Variants in SYTL2 observed in about 807,000 individuals in gnomAD.
The protein encoded by SYTL2 is synaptotagmin like 2, also known as synaptotagmin-like protein 2.
A neutral mutation model predicts 198.7 loss-of-function variants in SYTL2; 165 were observed. The ratio of observed to expected loss-of-function variants is 0.83; its 90% CI spans 0.73 to 0.94. The LOEUF (loss-of-function observed/expected upper bound fraction) is 0.94. Among genes scored for constraint, SYTL2 ranks in the 40% least tolerant of loss-of-function variants. The probability of loss-of-function intolerance (pLI) is 0.00; values close to 1 mark genes in which losing one functional copy is unlikely to be tolerated. For missense variants in SYTL2, 2,835 were observed against 2,582.8 expected (o/e 1.10, Z -2.12); for synonymous variants, 966 against 917.7 (o/e 1.05, Z -0.95).
At chr11:85,696,540 G>C (rs767413382) in intron 18 of SYTL2, 152 bp from the exon 19 acceptor site, 8 of 670,454 alleles carry the variant, frequency 1.2e-5, no homozygotes, top group African/African-American at 9.0e-5. Context: ...AGTGGGGTAG[G>C]GGGTAGGAAC....
chr11:85,725,426 G>T lies in SYTL2; in HGVS notation c.3932C>A (p.Pro1311Gln). Residue 1311 changes from proline to glutamine, a missense_variant, in exon 8 of 20, where the codon CCA becomes CAA. By Grantham distance (76) the Pro-to-Gln change is moderately conservative. Transcript: ENST00000359152. ...MAAEDSHPLD[P>Q]TSQLSRKGSF... is the part of the protein sequence containing the mutation. ...ACCCTTTCTGGAAAGCTGGGAAGTT[G>T]GATCCAATGGATGAGAATCTTCTGC... The T allele has an allele frequency of 1.2e-6, 2 of 1,614,082 alleles. No homozygotes were observed. The highest frequency in any genetic ancestry group is 1.1e-5 in the South Asian group (1 of 91,078).
At chr11:85,807,309 A>G (rs781196813) in intron 1 of SYTL2, among the ~76,000 whole-genome samples, 6 of 152,250 alleles carry the variant, frequency 3.9e-5, no homozygotes, top group Non-Finnish European at 7.3e-5. Flanking sequence ...GAGCATTTAC[A>G]TCATGATTAA....
chr11:85,745,710 C>T lies in SYTL2; in HGVS notation c.316G>A (p.Asp106Asn), dbSNP rs1360981952. The change falls in exon 4 of 20, where the codon GAT (aspartate) becomes AAT (asparagine). Residue 106 changes from aspartate (D) to asparagine (N), a missense_variant. This residue lies in a region of SYTL2 where 2,645 missense variants were observed against 2,381.7 expected (regional missense o/e 1.11). Transcript: ENST00000359152. Reference protein sequence around the residue: ...KESWVNNVNKDAFLPPELAGV... With the variant: ...KESWVNNVNKNAFLPPELAGV... ...GCCAGCTCTGGAGGAAGGAAAGCATCTTTGTTGACATTATTCACCCAGCTT... is the reference window on the plus strand; with the variant it reads ...GCCAGCTCTGGAGGAAGGAAAGCATTTTTGTTGACATTATTCACCCAGCTT... 1 of 1,613,816 alleles carries T rather than the reference C, an allele frequency of 6.2e-7. No individual in the cohort carries two copies. The highest frequency in any genetic ancestry group is 8.5e-7 in the Non-Finnish European group (1 of 1,179,764).
Position 85,726,554 on chromosome 11 carries a change from G to A in SYTL2, c.2804C>T (p.Ser935Leu). The A allele has an allele frequency of 6.3e-7, 1 of 1,596,780 alleles. No homozygotes were observed. The highest frequency in any genetic ancestry group is 8.5e-7 in the Non-Finnish European group (1 of 1,177,476). ...NITLPALQPP[S>L]NVGSERHAPL... The stretch of plus-strand genomic sequence containing the variant: ...AGCATGTCGTTCACTCCCGACATTT[G>A]AGGGAGGTTGCAGTGCTGGTAAAGT... The change falls in exon 8 of 20, where the codon TCA becomes TTA. Residue 935 changes from serine to leucine, a missense_variant. Transcript: ENST00000359152.
intron 16 of SYTL2, among the ~76,000 whole-genome samples, chr11:85,701,062 C>G (rs1441044913): frequency 1.3e-5 from 2 of 152,108 alleles, no homozygotes; most frequent in African/African-American, 4.8e-5. Flanking sequence ...TTATTTTAGG[C>G]CAAATGCATA....
chr11:85,827,352 A>T, the SYTL2 span, among the ~76,000 whole-genome samples: 1 of 152,114 alleles, frequency 6.6e-6, no homozygotes, highest in Non-Finnish European at 1.5e-5. Flanking sequence ...AGGAAAAGGG[A>T]TCCCATGATG....
chr11:85,771,445 G>A (rs947311845), intron 1 of SYTL2, among the ~76,000 whole-genome samples: 9 of 152,140 alleles, frequency 5.9e-5, no homozygotes, highest in Admixed American at 5.9e-4. Context: ...GTTACATACC[G>A]TTAGTTTAAT....
At chr11:85,847,043 T>G in the SYTL2 span, among the ~76,000 whole-genome samples, 1 of 152,286 alleles carries the variant, frequency 6.6e-6, no homozygotes, top group Non-Finnish European at 1.5e-5. Flanking sequence ...CTGAAACCAT[T>G]TTAAAAAAAT....
chr11:85,708,979 C>A (rs978459223), intron 14 of SYTL2, among the ~76,000 whole-genome samples: 6 of 150,798 alleles, frequency 4.0e-5, no homozygotes, highest in African/African-American at 1.5e-4. Context: ...GCTGGGACTA[C>A]AGGCGCCCGC....
At chr11:85,827,722 C>T in the SYTL2 span, among the ~76,000 whole-genome samples, 2 of 152,114 alleles carry the variant, frequency 1.3e-5, no homozygotes, top group Non-Finnish European at 2.9e-5. Context: ...CTAGCTAGCT[C>T]CAAGGTTCAG....
chr11:85,734,108 T>C lies in SYTL2; in HGVS notation c.1221A>G (p.Thr407=), dbSNP rs774144682. Residue 407 remains threonine (T), a synonymous_variant, in exon 7 of 20, where the codon ACA becomes ACG. Coordinates refer to ENST00000359152, the MANE Select transcript of SYTL2 (RefSeq NM_206927.4). The part of the protein sequence containing the change: ...TSSPYVSKSE[T]HQPMTSGSFP... Reference sequence around the variant, plus strand: ...AAGAACCAGAAGTCATTGGCTGATGTGTTTCACTTTTTGATACATATGGGC... The same window carrying C: ...AAGAACCAGAAGTCATTGGCTGATGCGTTTCACTTTTTGATACATATGGGC... 6.2e-7 allele frequency: 1 copy of C among 1,614,210 alleles called. No individual in the cohort carries two copies. The highest frequency in any genetic ancestry group is 1.1e-5 in the South Asian group (1 of 91,084).
chr11:85,705,076 C>T (rs751968909), intron 15 of SYTL2, 48 bp from the exon 16 acceptor site: 23 of 1,459,986 alleles, frequency 1.6e-5, no homozygotes, highest in Non-Finnish European at 2.2e-5. Flanking sequence ...TTACTTGATG[C>T]CAAAGTTATA....
At chr11:85,798,691 G>A (rs1015692269) in intron 1 of SYTL2, among the ~76,000 whole-genome samples, 7 of 152,180 alleles carry the variant, frequency 4.6e-5, no homozygotes, top group South Asian at 2.1e-4. Context: ...GAGCTCCCAC[G>A]GGTCTTCTCC....
chr11:85,835,481 T>A, the SYTL2 span, among the ~76,000 whole-genome samples: 1 of 152,318 alleles, frequency 6.6e-6, no homozygotes, highest in Non-Finnish European at 1.5e-5. Flanking sequence ...CTTGAACAAC[T>A]TTTTATTTTT....
chr11:85,753,547 G>C (rs1441136110), intron 2 of SYTL2, among the ~76,000 whole-genome samples: 1 of 152,040 alleles, frequency 6.6e-6, no homozygotes, highest in African/African-American at 2.4e-5. Context: ...TTAGGAACTG[G>C]ATATGTCTCT....
At chr11:85,796,463 A>C (rs986272063) in intron 1 of SYTL2, among the ~76,000 whole-genome samples, 2 of 152,250 alleles carry the variant, frequency 1.3e-5, no homozygotes, top group Non-Finnish European at 2.9e-5. Context: ...CATTTTTCTA[A>C]GAGTCTAATT....
At chr11:85,734,842 A>T in intron 6 of SYTL2, 100 bp from the exon 7 acceptor site, 1 of 901,088 alleles carries the variant, frequency 1.1e-6, no homozygotes, top group Non-Finnish European at 1.6e-6. Flanking sequence ...AAACTATTAA[A>T]ATATTAAAGA....
intron 1 of SYTL2, among the ~76,000 whole-genome samples, chr11:85,792,038 AT>A (rs1294139335): frequency 1.3e-5 from 2 of 152,120 alleles, no homozygotes; most frequent in Admixed American, 1.3e-4. Flanking sequence ...AGAACAGATT[AT>A]TACTACATAC....
intron 1 of SYTL2, among the ~76,000 whole-genome samples, chr11:85,760,513 T>C (rs1306631375): frequency 6.6e-6 from 1 of 152,200 alleles, no homozygotes; most frequent in Admixed American, 6.5e-5. Context: ...TTCCTTTCTT[T>C]CACGTGCAGT....
Sources: allele counts gnomAD v4.1 joint callset (sites outside exome capture counted in the v4.1 genomes callset), GRCh38; gene constraint gnomAD v4.1.1; regional missense constraint gnomAD v4.1.1; transcripts MANE v1.5; gene names NCBI Gene and HGNC (gene_info 2026-07-23, HGNC 2026-07-21).